Variants in SPATA13 observed in about 807,000 individuals in gnomAD.
SPATA13 encodes the protein spermatogenesis-associated protein 13.
SPATA13 carries 50 observed loss-of-function variants against 104.0 expected under a neutral mutation model. The ratio of observed to expected loss-of-function variants is 0.48; its 90% CI spans 0.38 to 0.61. The LOEUF (loss-of-function observed/expected upper bound fraction) is 0.61, where lower values mean the gene tolerates loss of function less well. Ranked by LOEUF, SPATA13 falls within the 20% of genes least tolerant of loss-of-function variation. The pLI is 0.00. For missense variants in SPATA13, 1,524 were observed against 1,690.6 expected, an observed-to-expected ratio of 0.90 and a Z score of 1.73; for synonymous variants, 606 against 667.5, an observed-to-expected ratio of 0.91 and a Z score of 1.42.
At chr13:24,247,477 A>ATTTT (rs1342062317) in intron 2 of SPATA13, among the ~76,000 whole-genome samples, 1 of 28,962 alleles carries the variant, frequency 3.5e-5, no homozygotes, top group Non-Finnish European at 9.8e-5. Context: ...CTCCACATTC[A>ATTTT]CTTTTTTTTT....
chr13:24,178,937 TC>T (rs1868613364), intron 1 of SPATA13, among the ~76,000 whole-genome samples: 1 of 152,212 alleles, frequency 6.6e-6, no homozygotes, highest in Admixed American at 6.5e-5. Flanking sequence ...GTCCTCATTT[TC>T]CCTCAAGTCC....
At chr13:24,004,067 T>A (rs1876107545) in intron 2 of SPATA13, among the ~76,000 whole-genome samples, 1 of 152,226 alleles carries the variant, frequency 6.6e-6, no homozygotes, top group Non-Finnish European at 1.5e-5. Context: ...TGGGCACTCC[T>A]GGGCTTTGGT....
At chr13:24,145,484 A>C (rs1881899960) in intron 3 of SPATA13, among the ~76,000 whole-genome samples, 2 of 152,222 alleles carry the variant, frequency 1.3e-5, no homozygotes, top group African/African-American at 4.8e-5. Flanking sequence ...GTGAGTCCAC[A>C]GAGGACATAA....
intron 1 of SPATA13, among the ~76,000 whole-genome samples, chr13:24,189,882 T>C (rs985335300): frequency 3.3e-5 from 1 of 30,658 alleles, no homozygotes; most frequent in Admixed American, 7.0e-4. Context: ...TAATTATATA[T>C]CATAATATAT....
At chr13:24,152,138 T>C (rs549273686) in intron 3 of SPATA13, among the ~76,000 whole-genome samples, 2 of 152,350 alleles carry the variant, frequency 1.3e-5, no homozygotes, top group African/African-American at 4.8e-5. Flanking sequence ...AGATATTTAT[T>C]TTCCCACAGT....
At chr13:24,301,601 G>A (rs1877188537) in intron 12 of SPATA13, among the ~76,000 whole-genome samples, 1 of 152,198 alleles carries the variant, frequency 6.6e-6, no homozygotes, top group Non-Finnish European at 1.5e-5. Context: ...GCTACCGGGT[G>A]GGACGCTGTG....
rs1240082445 is a variant in SPATA13, at chr13:24,011,509, C to T, written c.-146-6158C>T. Among the ~76,000 whole-genome samples, 2 of 152,158 alleles carry T rather than the reference C, an allele frequency of 1.3e-5. No homozygotes were observed. The highest frequency in any genetic ancestry group is 1.9e-4 in the East Asian group (1 of 5,192). ...GACAGAACCTGGAATTCTGTTGCCACGCTCCCTGTCCTGGCTGGCTGATGC... is the reference window on the plus strand; with the variant it reads ...GACAGAACCTGGAATTCTGTTGCCATGCTCCCTGTCCTGGCTGGCTGATGC... On this transcript the variant is annotated intron_variant, in intron 2 of 14. Coordinates refer to the SPATA13 transcript ENST00000424834. This position sits in a 1 kb window ranked among gnomAD's most constrained non-coding sequence, Gnocchi z 4.3.
At chr13:24,102,977 C>T (rs1241507831) in intron 3 of SPATA13, among the ~76,000 whole-genome samples, 1 of 152,124 alleles carries the variant, frequency 6.6e-6, no homozygotes, top group Non-Finnish European at 1.5e-5. Flanking sequence ...CAGGACTCAA[C>T]TTTATTCCTT....
chr13:24,295,197 G>A (rs957148207), intron 10 of SPATA13, among the ~76,000 whole-genome samples: 1 of 152,102 alleles, frequency 6.6e-6, no homozygotes, highest in African/African-American at 2.4e-5. Context: ...AGAAGTATGG[G>A]GGACTCTGGA....
At chr13:24,122,524 G>T in intron 3 of SPATA13, 17 of 1,598,980 alleles carry the variant, frequency 1.1e-5, no homozygotes, top group Non-Finnish European at 1.5e-5. Flanking sequence ...ATCACTCCCC[G>T]GTTCCTCTGG....
intron 12 of SPATA13, chr13:24,300,710 T>G (rs1877122419): frequency 1.9e-6 from 1 of 534,788 alleles, no homozygotes; most frequent in South Asian, 2.2e-5. Context: ...TCAGAGGGGC[T>G]GCTGGAGGGT....
chr13:24,116,169 G>A (rs1468034778), intron 3 of SPATA13, among the ~76,000 whole-genome samples: 1 of 152,182 alleles, frequency 6.6e-6, no homozygotes, highest in African/African-American at 2.4e-5. Flanking sequence ...CTGTAGGCTG[G>A]GAAATCCAAG....
chr13:24,262,024 A>G (rs1874084091), intron 4 of SPATA13, among the ~76,000 whole-genome samples: 1 of 152,200 alleles, frequency 6.6e-6, no homozygotes, highest in Non-Finnish European at 1.5e-5. Flanking sequence ...GTTAGTATGA[A>G]TGTGTCAGCG....
intron 3 of SPATA13, among the ~76,000 whole-genome samples, chr13:24,115,733 G>T (rs191167790): frequency 4.6e-5 from 7 of 152,208 alleles, no homozygotes; most frequent in Non-Finnish European, 1.0e-4. Context: ...TCCGGTTCCA[G>T]ATTTCTCAGT....
rs142538593 is a variant in SPATA13 at position 24,138,265 on chromosome 13, C to T, written c.-111-84554C>T. On this transcript the variant is annotated intron_variant, in intron 3 of 14. Coordinates refer to the SPATA13 transcript ENST00000424834. ...GAGGTTGCAGTAAGCTGGGATGCACCATTCCAGTCCAGCCCAGGGGACAGA... is the reference window on the plus strand; with the variant it reads ...GAGGTTGCAGTAAGCTGGGATGCACTATTCCAGTCCAGCCCAGGGGACAGA... 1.0e-4 allele frequency among the ~76,000 whole-genome samples: 15 copies of T among 150,732 alleles called. No individual in the cohort carries two copies. In the East Asian group the frequency reaches 2.9e-3, roughly 29 times the overall value.
At chr13:24,154,494 A>G (rs1451242263) in intron 3 of SPATA13, among the ~76,000 whole-genome samples, 3 of 151,896 alleles carry the variant, frequency 2.0e-5, no homozygotes, top group Non-Finnish European at 4.4e-5. Flanking sequence ...ATAAACATTA[A>G]TGTTTACCTT....
At chr13:24,278,510 T>C (rs986839563) in intron 4 of SPATA13, 3 of 686,414 alleles carry the variant, frequency 4.4e-6, no homozygotes, top group Admixed American at 8.5e-5. Flanking sequence ...ACTCCTGGGC[T>C]CAAGGGATCC....
chr13:24,270,577 G>A, intron 4 of SPATA13: 5 of 530,470 alleles, frequency 9.4e-6, no homozygotes, highest in East Asian at 3.0e-5. Flanking sequence ...GAGTGTGTTT[G>A]TCTTTGGTGT....
intron 3 of SPATA13, among the ~76,000 whole-genome samples, chr13:24,108,970 T>TA (rs1324085764): frequency 1.6e-3 from 240 of 152,108 alleles, no homozygotes; most frequent in Non-Finnish European, 2.7e-3. Context: ...TATTTTATTT[T>TA]TTTAAATTAT....
Sources: gnomAD v4.1 joint callset for allele counts (sites outside exome capture counted in the v4.1 genomes callset) on GRCh38, gnomAD v4.1.1 for gene constraint, Gnocchi (gnomAD v3.1) non-coding constraint, MANE v1.5 for transcripts, NCBI Gene and HGNC (gene_info 2026-07-23, HGNC 2026-07-21) for gene names.